The following NELL1 variants were observed in gnomAD, a reference collection of about 807,000 sequenced individuals.
NELL1 encodes the protein neural EGFL like 1.
Under a neutral mutation model 107.4 loss-of-function variants are expected in NELL1, and 76 were observed. That is an observed-to-expected ratio of 0.71 (90% CI 0.59 to 0.86). The LOEUF (loss-of-function observed/expected upper bound fraction) is 0.86, where lower values mean the gene tolerates loss of function less well. Ranked by LOEUF, NELL1 falls within the 40% of genes least tolerant of loss-of-function variation. NELL1 has a pLI of 0.00. For synonymous variants in NELL1, 353 were observed against 341.2 expected, an observed-to-expected ratio of 1.03 and a Z score of -0.38; for missense variants, 1,024 against 1,005.5, an observed-to-expected ratio of 1.02 and a Z score of -0.25.
intron 14 of NELL1, among the ~76,000 whole-genome samples, chr11:21,232,816 C>A (rs1565123084): frequency 6.6e-6 from 1 of 152,000 alleles, no homozygotes; most frequent in Non-Finnish European, 1.5e-5. Context: ...CCATGCCCAG[C>A]TAATTTTTGT....
intron 13 of NELL1, among the ~76,000 whole-genome samples, chr11:21,220,146 A>G (rs1182940552): frequency 6.6e-6 from 1 of 152,208 alleles, no homozygotes; most frequent in African/African-American, 2.4e-5. Flanking sequence ...GGGCAGGGAC[A>G]CAAATCCAAG....
At chr11:21,182,805 G>A (rs1341296267) in intron 13 of NELL1, among the ~76,000 whole-genome samples, 5 of 151,774 alleles carry the variant, frequency 3.3e-5, no homozygotes, top group Non-Finnish European at 7.4e-5. Context: ...AGCTGATATT[G>A]TTATCTGAGG....
At chr11:20,895,569 G>A (rs1266779455) in intron 5 of NELL1, among the ~76,000 whole-genome samples, 2 of 144,226 alleles carry the variant, frequency 1.4e-5, no homozygotes, top group Admixed American at 7.2e-5. Flanking sequence ...GCAGTGGCGC[G>A]ATCTTGGCTC....
intron 2 of NELL1, among the ~76,000 whole-genome samples, chr11:20,758,843 G>A (rs1856355833): frequency 6.6e-6 from 1 of 152,186 alleles, no homozygotes; most frequent in Admixed American, 6.5e-5. Context: ...CTCAGTTGAG[G>A]ATGACTGTTT....
At chr11:21,414,722 G>A (rs551373882) in intron 15 of NELL1, among the ~76,000 whole-genome samples, 4 of 152,136 alleles carry the variant, frequency 2.6e-5, no homozygotes, top group South Asian at 4.2e-4. Flanking sequence ...TTTAGGGAAG[G>A]GGAATGCGGC....
At chr11:21,572,407 A>C (rs554768267) in intron 18 of NELL1, among the ~76,000 whole-genome samples, 1 of 152,024 alleles carries the variant, frequency 6.6e-6, no homozygotes, top group South Asian at 2.1e-4. Context: ...AACAGTGAGC[A>C]AGATAAACAT....
chr11:21,539,479 G>A (rs1856233614), intron 16 of NELL1, among the ~76,000 whole-genome samples: 1 of 151,866 alleles, frequency 6.6e-6, no homozygotes, highest in African/African-American at 2.4e-5. Context: ...GGTGAATGTG[G>A]GATTTTATTG....
chr11:21,122,766 C>G (rs1219868383), intron 13 of NELL1, among the ~76,000 whole-genome samples: 1 of 152,100 alleles, frequency 6.6e-6, no homozygotes, highest in Non-Finnish European at 1.5e-5. Flanking sequence ...TAAAGTGACA[C>G]AGCGTACGTA....
At chr11:21,277,319 C>T (rs1401068825) in intron 14 of NELL1, among the ~76,000 whole-genome samples, 1 of 152,032 alleles carries the variant, frequency 6.6e-6, no homozygotes, top group Non-Finnish European at 1.5e-5. Context: ...CACTGGCCAT[C>T]AGAGAAATGC....
intron 14 of NELL1, among the ~76,000 whole-genome samples, chr11:21,299,825 A>G (rs900490914): frequency 1.3e-5 from 2 of 151,958 alleles, no homozygotes; most frequent in African/African-American, 2.4e-5. Context: ...TATTTTGAAT[A>G]CTTTTATATA....
chr11:21,465,260 A>G (rs538678530), intron 15 of NELL1, among the ~76,000 whole-genome samples: 29 of 152,120 alleles, frequency 1.9e-4, no homozygotes, highest in Non-Finnish European at 4.1e-4. Flanking sequence ...AATAATATTT[A>G]AATTGGGAAA....
intron 15 of NELL1, among the ~76,000 whole-genome samples, chr11:21,469,350 C>A (rs1443766582): frequency 6.6e-6 from 1 of 151,972 alleles, no homozygotes; most frequent in Non-Finnish European, 1.5e-5. Flanking sequence ...CTGGGCTGAT[C>A]TCCACTTGCA....
rs959701106 is a variant in NELL1 at position 21,279,693 on chromosome 11, C to T, written c.1549+50239C>T. 7.9e-5 allele frequency among the ~76,000 whole-genome samples: 12 copies of T among 152,130 alleles called. No homozygotes were observed. In the South Asian group the frequency reaches 1.0e-3, roughly 13 times the overall value. Reference sequence around the variant, plus strand: ...CAAAGCTAAGCATGTTCTTACCATGCGATACAGCAATTGTGCTTCTTGGTA... The same window carrying T: ...CAAAGCTAAGCATGTTCTTACCATGTGATACAGCAATTGTGCTTCTTGGTA... On this transcript the variant is annotated intron_variant, in intron 14 of 19. Coordinates refer to ENST00000357134, the MANE Select transcript of NELL1 (RefSeq NM_006157.5).
At chr11:21,213,446 A>G (rs1049057149) in intron 13 of NELL1, among the ~76,000 whole-genome samples, 1 of 152,174 alleles carries the variant, frequency 6.6e-6, no homozygotes, top group African/African-American at 2.4e-5. Flanking sequence ...GGATTTTTTT[A>G]TAGATACTGT....
intron 15 of NELL1, among the ~76,000 whole-genome samples, chr11:21,447,403 C>T (rs1853459535): frequency 2.6e-5 from 4 of 152,148 alleles, no homozygotes; most frequent in Admixed American, 2.6e-4. Context: ...GCCAGCATGT[C>T]TCAGAATCTC....
chr11:21,113,132 C>A (rs1184304623), intron 12 of NELL1, among the ~76,000 whole-genome samples: 7 of 151,884 alleles, frequency 4.6e-5, no homozygotes, highest in Non-Finnish European at 7.4e-5. Context: ...GCTACACCAT[C>A]ATTTTGTAGC....
At chr11:21,093,063 C>T (rs1854557121) in intron 12 of NELL1, among the ~76,000 whole-genome samples, 1 of 152,006 alleles carries the variant, frequency 6.6e-6, no homozygotes, top group Admixed American at 6.6e-5. Context: ...GAATGTTTAC[C>T]ATTGGTTCAG....
chr11:21,256,078 C>CTAA (rs1858760784), intron 14 of NELL1, among the ~76,000 whole-genome samples: 1 of 151,870 alleles, frequency 6.6e-6, no homozygotes, highest in South Asian at 2.1e-4. Flanking sequence ...AAGAACAGAC[C>CTAA]TAATATCTTT....
At chr11:21,469,344 G>A (rs1854117599) in intron 15 of NELL1, among the ~76,000 whole-genome samples, 1 of 151,924 alleles carries the variant, frequency 6.6e-6, no homozygotes, top group African/African-American at 2.4e-5. Context: ...ATAAGACTGG[G>A]CTGATCTCCA....
Sources: allele counts gnomAD v4.1 joint callset (sites outside exome capture counted in the v4.1 genomes callset), GRCh38; gene constraint gnomAD v4.1.1; transcripts MANE v1.5; gene names NCBI Gene and HGNC (gene_info 2026-07-23, HGNC 2026-07-21).